PKD1L3: variants seen among roughly 807,000 people sequenced by gnomAD.
PKD1L3 encodes the protein polycystin 1 like 3, transient receptor potential channel interacting, also known as polycystin-1-like protein 3.
Under a neutral mutation model 184.1 loss-of-function variants are expected in PKD1L3, and 239 were observed. The observed-to-expected ratio is 1.30, with a 90% CI of 1.17 to 1.45. The LOEUF (loss-of-function observed/expected upper bound fraction) is 1.45. Ranked by LOEUF, PKD1L3 falls within the 40% of genes most tolerant of loss-of-function variation. The pLI is 0.00. For synonymous variants in PKD1L3, 996 were observed against 778.8 expected (o/e 1.28, Z -4.64); for missense variants, 2,660 against 2,067.2 (o/e 1.29, Z -5.56).
At chr16:71,980,836 T>C (rs1294809014) in intron 7 of PKD1L3, among the ~76,000 whole-genome samples, 2 of 152,058 alleles carry the variant, frequency 1.3e-5, no homozygotes, top group Non-Finnish European at 2.9e-5. Context: ...CTCTGTCTCA[T>C]AAAATAAAAT....
intron 12 of PKD1L3, among the ~76,000 whole-genome samples, chr16:71,970,336 C>A (rs1567527929): frequency 6.6e-6 from 1 of 152,176 alleles, no homozygotes; most frequent in South Asian, 2.1e-4. Context: ...TGAGTGTATA[C>A]ATGTTCTAGG....
At chr16:71,973,596 T>A (rs1302030759) in intron 11 of PKD1L3, 79 bp from the exon 12 acceptor site, 9 of 1,263,502 alleles carry the variant, frequency 7.1e-6, no homozygotes, top group Non-Finnish European at 9.7e-6. Flanking sequence ...AAGGATCTAT[T>A]ATTAATATTT....
At chr16:71,950,053 C>T (rs2038770893) in intron 20 of PKD1L3, 36 bp from the exon 21 acceptor site, 1 of 1,549,858 alleles carries the variant, frequency 6.5e-7, no homozygotes, top group Non-Finnish European at 8.7e-7. Flanking sequence ...ATCTTGTATG[C>T]ATCGGCTGAG....
chr16:71,936,765 G>T (rs916669584), intron 25 of PKD1L3, among the ~76,000 whole-genome samples: 11 of 152,212 alleles, frequency 7.2e-5, no homozygotes, highest in Middle Eastern at 3.4e-3. Flanking sequence ...CTACAGGCAT[G>T]AGCCAATCAT....
chr16:71,950,255 C>T lies in PKD1L3; in HGVS notation c.3246G>A (p.Arg1082=). ...CCAGCGTGCCTAAGTGAGATTTCAG[C>T]CTCTGCAGAACTCTATGCAGGTAAC... is the stretch of plus-strand genomic sequence containing the variant. ...FCCYLHRVLQ[R]LKSHLGTLGL... The change falls in exon 20 of 30, where the codon AGG becomes AGA. Residue 1082 remains arginine (R), a synonymous_variant. Coordinates refer to ENST00000620267, the MANE Select transcript of PKD1L3 (RefSeq NM_181536.2). The T allele has an allele frequency of 6.4e-7, 1 of 1,551,790 alleles. No individual in the cohort carries two copies. Among genetic ancestry groups the T allele is most frequent in the African/African-American group, 1.4e-5 (1 of 73,102 alleles).
chr16:71,985,684 G>A (rs1012894776), intron 5 of PKD1L3, among the ~76,000 whole-genome samples: 8 of 152,078 alleles, frequency 5.3e-5, no homozygotes, highest in South Asian at 4.1e-4. Context: ...CCTCCACCTC[G>A]GCCTCCCAAA....
Position 71,990,396 on chromosome 16 carries a change from A to G in PKD1L3, c.536-67T>C, listed in dbSNP as rs2040542386. On this transcript the variant is annotated intron_variant, in intron 3 of 29. Coordinates refer to ENST00000620267, the MANE Select transcript of PKD1L3 (RefSeq NM_181536.2). ...AAGACAGAAATATTCGTTTTACTTGAGGACTTCTTATTCATGGCTAAAAAT... is the reference window on the plus strand; with the variant it reads ...AAGACAGAAATATTCGTTTTACTTGGGGACTTCTTATTCATGGCTAAAAAT... 20 of 1,330,370 alleles carry G rather than the reference A, an allele frequency of 1.5e-5. 1 individual carries two copies. In the South Asian group the frequency reaches 2.5e-4, roughly 16 times the overall value. The allele number at this position is 1,330,370 out of a possible 1,614,324, so 82.4% of individuals were successfully genotyped here. A position where few individuals can be genotyped will look rare whatever the true frequency, so the allele number is the denominator to read the frequency against.
At chr16:71,986,539 T>G in intron 4 of PKD1L3, 70 bp from the exon 5 acceptor site, 1 of 1,457,592 alleles carries the variant, frequency 6.9e-7, no homozygotes, top group Non-Finnish European at 9.2e-7. Context: ...AGGCAGCATT[T>G]CCCCAAATAC....
intron 11 of PKD1L3, among the ~76,000 whole-genome samples, chr16:71,975,719 T>C (rs995671567): frequency 6.6e-6 from 1 of 152,164 alleles, no homozygotes; most frequent in South Asian, 2.1e-4. Flanking sequence ...TACATATCCT[T>C]ATCCATCCTA....
At position 71,970,053 on chromosome 16, in the gene PKD1L3, G is replaced by C. The variant is rs35259348; in HGVS notation, c.2006C>G (p.Thr669Ser). 376,818 of 1,551,406 alleles carry C rather than the reference G, an allele frequency of 0.24. 49,046 individuals are homozygous for C. The highest frequency in any genetic ancestry group is 0.41 in the South Asian group (34,241 of 84,040). Reference sequence around the variant, plus strand: ...GACAAAGAAGTCGCTGGCAAAGAAGGTCAGGTGGTTACAGAGACACTGTGT... The same window carrying C: ...GACAAAGAAGTCGCTGGCAAAGAAGCTCAGGTGGTTACAGAGACACTGTGT... Reference protein sequence around the residue: ...LRTQCLCNHLTFFASDFFVVP... With the variant: ...LRTQCLCNHLSFFASDFFVVP... Residue 669 changes from threonine (T) to serine (S), a missense_variant, in exon 13 of 30, where the codon ACC becomes AGC. By Grantham distance (58) the Thr-to-Ser change is moderately conservative. Transcript: ENST00000620267.
At chr16:71,930,722 T>A (rs2037921319) in intron 28 of PKD1L3, 1 of 152,200 alleles carries the variant, frequency 6.6e-6, no homozygotes, top group African/African-American at 2.4e-5. Flanking sequence ...CTTTTCTGCA[T>A]ACATAAATAT....
At chr16:71,973,585 A>C in intron 11 of PKD1L3, 68 bp from the exon 12 acceptor site, 1 of 1,330,932 alleles carries the variant, frequency 7.5e-7, no homozygotes, top group Non-Finnish European at 1.0e-6. Context: ...CCTCTCTTCT[A>C]AAGGATCTAT....
intron 16 of PKD1L3, among the ~76,000 whole-genome samples, chr16:71,956,574 CGACA>C (rs1597317702): frequency 6.6e-6 from 1 of 151,966 alleles, no homozygotes; most frequent in South Asian, 2.1e-4. Flanking sequence ...AGCCAGTCAC[CGACA>C]GACAAATACT....
chr16:71,966,487 G>A (rs988049680), intron 15 of PKD1L3, among the ~76,000 whole-genome samples: 1 of 149,376 alleles, frequency 6.7e-6, no homozygotes, highest in Non-Finnish European at 1.5e-5. Context: ...GTGTGCAGTG[G>A]TGCAGACATG....
rs1049560055 is a variant in PKD1L3, at chr16:71,986,261, G to A, written c.794C>T (p.Thr265Ile). The stretch of plus-strand genomic sequence containing the variant: ...CTGCAATGACACTTGTAGATAAGAG[G>A]TGAAGGTATTCGGATGACCTTCTTC... ...PKEEGHPNTF[T>I]SYLQVSLQKA... The change falls in exon 5 of 30, where the codon ACC becomes ATC. Residue 265 changes from threonine (T) to isoleucine (I), a missense_variant. Thr to Ile is a moderately conservative substitution (Grantham distance 89). Transcript: ENST00000620267. The A allele has an allele frequency of 4.5e-6, 7 of 1,552,202 alleles. No individual in the cohort carries two copies. Among genetic ancestry groups the A allele is most frequent in the East Asian group, 4.9e-5 (2 of 40,922 alleles).
intron 26 of PKD1L3, 137 bp downstream of exon 26, chr16:71,935,221 A>C: frequency 1.1e-6 from 1 of 911,156 alleles, no homozygotes; most frequent in Non-Finnish European, 1.6e-6. Context: ...TGCTGTGGAC[A>C]TGAGTCCAAG....
intron 15 of PKD1L3, among the ~76,000 whole-genome samples, chr16:71,964,183 G>C (rs994120985): frequency 1.3e-5 from 2 of 151,702 alleles, no homozygotes. Context: ...TGGGACACCT[G>C]ATTATTCAAC....
At chr16:71,988,591 G>C (rs1421875690) in intron 4 of PKD1L3, among the ~76,000 whole-genome samples, 3 of 152,186 alleles carry the variant, frequency 2.0e-5, no homozygotes, top group African/African-American at 7.2e-5. Flanking sequence ...ACCTGTGAAA[G>C]ACTGCAAAGT....
intron 26 of PKD1L3, among the ~76,000 whole-genome samples, chr16:71,934,844 AAGCACCACTT>A (rs2038119363): frequency 6.6e-6 from 1 of 152,178 alleles, no homozygotes; most frequent in Non-Finnish European, 1.5e-5. Flanking sequence ...AAGGTTAGCA[AAGCACCACTT>A]GGCAACACTT....
Sources: gnomAD v4.1 joint callset for allele counts (sites outside exome capture counted in the v4.1 genomes callset) on GRCh38, gnomAD v4.1.1 for gene constraint, MANE v1.5 for transcripts, NCBI Gene and HGNC (gene_info 2026-07-23, HGNC 2026-07-21) for gene names.